The following ZNF385D variants were observed in gnomAD, a reference collection of about 807,000 sequenced individuals.
ZNF385D encodes zinc finger protein 659.
A neutral mutation model predicts 35.8 loss-of-function variants in ZNF385D; 15 were observed. The observed-to-expected ratio is 0.42, with a 90% confidence interval of 0.28 to 0.64. The LOEUF is 0.64. ZNF385D is among the 30% of genes least tolerant of loss of function. The pLI, the probability that ZNF385D is intolerant of heterozygous loss-of-function variation, is 0.23. For missense variants in ZNF385D, 474 were observed against 494.6 expected, an observed-to-expected ratio of 0.96 and a Z score of 0.39; for synonymous variants, 212 against 186.8, an observed-to-expected ratio of 1.13 and a Z score of -1.10.
chr3:21,699,339 G>T (rs950813400), intron 1 of ZNF385D, among the ~76,000 whole-genome samples: 1 of 152,088 alleles, frequency 6.6e-6, no homozygotes, highest in Non-Finnish European at 1.5e-5. Context: ...GGCCTGTCAG[G>T]GGGTGAGGGG....
At chr3:21,792,471 A>G (rs1193079422) in intron 3 of ZNF385D, among the ~76,000 whole-genome samples, 1 of 152,240 alleles carries the variant, frequency 6.6e-6, no homozygotes, top group Non-Finnish European at 1.5e-5. Context: ...CTTTCAGGCT[A>G]CAATGGCACA....
chr3:22,345,295 AGTCT>A (rs1695607964), intron 2 of ZNF385D, among the ~76,000 whole-genome samples: 1 of 152,194 alleles, frequency 6.6e-6, no homozygotes, highest in Non-Finnish European at 1.5e-5. Context: ...CCAACTCTTC[AGTCT>A]ATTTTACCAT....
At chr3:22,113,322 G>T (rs1367905855) in intron 3 of ZNF385D, among the ~76,000 whole-genome samples, 2 of 152,050 alleles carry the variant, frequency 1.3e-5, no homozygotes, top group Non-Finnish European at 2.9e-5. Context: ...AAGGAAAGCA[G>T]GCTTTAGGAA....
intron 3 of ZNF385D, among the ~76,000 whole-genome samples, chr3:21,981,442 T>G (rs1338590024): frequency 6.6e-6 from 1 of 152,158 alleles, no homozygotes; most frequent in Non-Finnish European, 1.5e-5. Flanking sequence ...AATTTTTAAG[T>G]TCCTTATAGA....
rs1186885743 is a variant in ZNF385D, at chr3:21,678,253, T to C, written c.23-13225A>G. ...CTAAGAAAGGCATCTGATTTGTCTG[T>C]CAAAGCTTGCCCAGGTTATGAAGAT... On this transcript the variant is annotated intron_variant, in intron 1 of 7. Transcript: ENST00000281523. 2.6e-5 allele frequency among the ~76,000 whole-genome samples: 4 copies of C among 152,116 alleles called. 1 individual carries two copies. In the East Asian group the frequency reaches 7.7e-4, roughly 29 times the overall value.
intron 3 of ZNF385D, among the ~76,000 whole-genome samples, chr3:21,830,405 G>C (rs1694914439): frequency 6.6e-6 from 1 of 152,160 alleles, no homozygotes; most frequent in Non-Finnish European, 1.5e-5. Context: ...CCATCCTAGA[G>C]TAGACATGCA....
rs116278899 is a variant in ZNF385D, at chr3:22,327,294, A to G, written c.106+45156T>C. Among the ~76,000 whole-genome samples the G allele has an allele frequency of 4.8e-3, 735 of 152,302 alleles. 5 individuals carry two copies. The highest frequency in any genetic ancestry group is 0.017 in the African/African-American group (686 of 41,562). ...TTTACCTCCAAAAAGAGTAAAAAGA[A>G]TATTTTGGGATACTTTCTGTAAAAT... is the stretch of plus-strand genomic sequence containing the variant. On this transcript the variant is annotated intron_variant, in intron 2 of 5. Coordinates refer to the ZNF385D transcript ENST00000494108.
intron 1 of ZNF385D, among the ~76,000 whole-genome samples, chr3:21,666,305 A>G (rs2066405382): frequency 6.6e-6 from 1 of 152,190 alleles, no homozygotes; most frequent in African/African-American, 2.4e-5. Flanking sequence ...AGTACCTATA[A>G]CAGAAGCCAT....
chr3:21,424,130 GCTTTAAC>G, intron 6 of ZNF385D, 66 bp from the exon 7 acceptor site: 1 of 1,368,000 alleles, frequency 7.3e-7, no homozygotes, highest in Non-Finnish European at 1.0e-6. Flanking sequence ...CACAAATATT[GCTTTAAC>G]CTGGAGAAAG....
chr3:22,164,274 G>A (rs1322961400), intron 3 of ZNF385D, among the ~76,000 whole-genome samples: 1 of 130,536 alleles, frequency 7.7e-6, no homozygotes, highest in East Asian at 2.3e-4. Flanking sequence ...CTGTTGCCAG[G>A]TTGTAGTACA....
chr3:22,031,249 C>T (rs1697981466), intron 3 of ZNF385D, among the ~76,000 whole-genome samples: 1 of 152,188 alleles, frequency 6.6e-6, no homozygotes, highest in African/African-American at 2.4e-5. Context: ...AGGCAGTGCC[C>T]CAGTAGGGAT....
chr3:21,421,489 G>T, intron 7 of ZNF385D, 42 bp from the exon 8 acceptor site: 1 of 1,517,176 alleles, frequency 6.6e-7, no homozygotes, highest in Non-Finnish European at 9.0e-7. Context: ...CAACAGTTTT[G>T]GAATTTGTAC....
At chr3:21,645,466 G>A (rs1379203707) in intron 2 of ZNF385D, among the ~76,000 whole-genome samples, 2 of 152,148 alleles carry the variant, frequency 1.3e-5, no homozygotes, top group Non-Finnish European at 2.9e-5. Context: ...GATCTTAACT[G>A]CATTTGCAAT....
chr3:22,307,232 G>C (rs1703277570), intron 2 of ZNF385D, among the ~76,000 whole-genome samples: 1 of 152,102 alleles, frequency 6.6e-6, no homozygotes, highest in Admixed American at 6.6e-5. Context: ...TTGAGAGTCA[G>C]TTTAATTGGA....
At chr3:21,495,614 A>G (rs1163401470) in intron 4 of ZNF385D, among the ~76,000 whole-genome samples, 1 of 152,150 alleles carries the variant, frequency 6.6e-6, no homozygotes. Flanking sequence ...TATCAAATTA[A>G]CAACCTAACA....
intron 3 of ZNF385D, chr3:22,134,133 G>T (rs568382870): frequency 1.3e-5 from 2 of 152,064 alleles, no homozygotes; most frequent in South Asian, 4.2e-4. Context: ...AACAAAAACA[G>T]ATCATCAGAA....
At chr3:22,154,505 G>T (rs1576413439) in intron 3 of ZNF385D, among the ~76,000 whole-genome samples, 1 of 152,130 alleles carries the variant, frequency 6.6e-6, no homozygotes, top group African/African-American at 2.4e-5. Context: ...GAATACTCTA[G>T]AGTGCAAATT....
chr3:21,444,882 C>T (rs1702065811), intron 4 of ZNF385D, among the ~76,000 whole-genome samples: 1 of 152,150 alleles, frequency 6.6e-6, no homozygotes, highest in Admixed American at 6.5e-5. Context: ...CAGGACAGAG[C>T]ACAGTTGCAG....
chr3:22,136,102 G>T (rs79378577), intron 3 of ZNF385D, among the ~76,000 whole-genome samples: 3 of 152,188 alleles, frequency 2.0e-5, no homozygotes, highest in Admixed American at 6.5e-5. Flanking sequence ...CCGTATAAGA[G>T]GCCAGGCGTG....
Sources: gnomAD v4.1 joint callset for allele counts (sites outside exome capture counted in the v4.1 genomes callset) on GRCh38, gnomAD v4.1.1 for gene constraint, MANE v1.5 for transcripts, NCBI Gene and HGNC (gene_info 2026-07-23, HGNC 2026-07-21) for gene names.